Variants in CCDC150 observed in about 807,000 individuals in gnomAD.
CCDC150 encodes the protein coiled-coil domain containing 150, also known as coiled-coil domain-containing protein 150.
In CCDC150, 151 loss-of-function variants were observed where a neutral mutation model predicts 156.5. The observed-to-expected ratio is 0.97, with a 90% CI of 0.85 to 1.10. CCDC150 has a LOEUF of 1.10. Among genes scored for constraint, CCDC150 ranks in the 50% least tolerant of loss-of-function variants. The probability of loss-of-function intolerance (pLI) is 0.00; values close to 1 mark genes in which losing one functional copy is unlikely to be tolerated. For missense variants in CCDC150, 1,312 were observed against 1,268.1 expected (o/e 1.03, Z -0.53); for synonymous variants, 452 against 429.4 (o/e 1.05, Z -0.65).
At chr2:196,718,460 A>T (rs1697670894) in intron 17 of CCDC150, 43 bp from the exon 18 acceptor site, 1 of 1,481,084 alleles carries the variant, frequency 6.8e-7, no homozygotes, top group South Asian at 1.3e-5. Flanking sequence ...TATTCTAATC[A>T]CTGATTTGTA....
chr2:196,639,938 G>A (rs1692112013), intron 1 of CCDC150, among the ~76,000 whole-genome samples, 160 bp downstream of exon 1: 1 of 152,332 alleles, frequency 6.6e-6, no homozygotes, highest in Non-Finnish European at 1.5e-5. Flanking sequence ...GCGCTTTGGC[G>A]TTGGCTGCCG....
At position 196,657,148 on chromosome 2, in the gene CCDC150, A is replaced by G; in HGVS notation, c.576+12A>G. The G allele has an allele frequency of 6.2e-7, 1 of 1,613,050 alleles. No individual in the cohort carries two copies. Among genetic ancestry groups the G allele is most frequent in the African/African-American group, 1.3e-5 (1 of 75,032 alleles). On this transcript the variant is annotated intron_variant, in intron 4 of 27. Coordinates refer to ENST00000389175, the MANE Select transcript of CCDC150 (RefSeq NM_001080539.2). ...CCTCGCAGACAAAGGTTTGAGTCTA[A>G]GAGTTCTGAAGTATAAACACACTGT...
At chr2:196,678,747 A>G (rs543096845) in intron 13 of CCDC150, among the ~76,000 whole-genome samples, 1 of 152,078 alleles carries the variant, frequency 6.6e-6, no homozygotes, top group African/African-American at 2.4e-5. Context: ...TACTAAAAAT[A>G]CAAAAAAAAT....
Position 196,721,361 on chromosome 2 carries a change from T to TATATATATATATATACACACATATATAC in CCDC150, c.2260-153_2260-152insATATATACACACATATATACATATATAT, listed in dbSNP as rs146765179. On this transcript the variant is annotated intron_variant, in intron 20 of 27. Transcript: ENST00000389175. ...ATTCATATATGTGTGTGCATATATA[T>TATATATATATATATACACACATATATAC]ATATATATTTTCCAGGCAGCTGGAA... Among the ~76,000 whole-genome samples, 2 of 49,814 alleles carry TATATATATATATATACACACATATATAC rather than the reference T, an allele frequency of 4.0e-5. 1 individual carries two copies. Among genetic ancestry groups the TATATATATATATATACACACATATATAC allele is most frequent in the Non-Finnish European group, 9.4e-5 (2 of 21,180 alleles). The allele number at this position is 49,814 out of a possible 152,430, so 32.7% of individuals were successfully genotyped here.
In CCDC150 at chr2:196,703,049, C is replaced by G. The variant is rs538553712; in HGVS notation, c.1695+1869C>G. On this transcript the variant is annotated intron_variant, in intron 15 of 27. Coordinates refer to ENST00000389175, the MANE Select transcript of CCDC150 (RefSeq NM_001080539.2). ...TTCATGAGAGCAGATCCCTCATTAC[C>G]CAAATACCTCTTAAAGGTCCCACTA... is the stretch of plus-strand genomic sequence containing the variant. 4.6e-5 allele frequency among the ~76,000 whole-genome samples: 7 copies of G among 152,274 alleles called. No homozygotes were observed. In the South Asian group the frequency reaches 1.5e-3, roughly 32 times the overall value.
intron 17 of CCDC150, chr2:196,713,113 G>A (rs549357856): frequency 2.3e-5 from 12 of 513,516 alleles, no homozygotes; most frequent in Non-Finnish European, 3.6e-5. Context: ...AGGTCACAGA[G>A]TTGTTAAAGG....
chr2:196,674,655 C>G (rs986619063), intron 10 of CCDC150, among the ~76,000 whole-genome samples: 1 of 26,046 alleles, frequency 3.8e-5, no homozygotes. Flanking sequence ...CCTCAAACAC[C>G]TTGCCGATTT....
At chr2:196,732,226 CTCA>C (rs1408067512) in intron 27 of CCDC150, 74 bp downstream of exon 27, 2 of 1,500,486 alleles carry the variant, frequency 1.3e-6, no homozygotes, top group African/African-American at 1.4e-5. Context: ...CCGAAGTTCT[CTCA>C]TCATCTCGAT....
Position 196,672,370 on chromosome 2 carries a change from A to G in CCDC150, c.962A>G (p.Glu321Gly). 6.5e-7 allele frequency: 1 copy of G among 1,542,466 alleles called. No homozygotes were observed. The highest frequency in any genetic ancestry group is 8.7e-7 in the Non-Finnish European group (1 of 1,147,058). Residue 321 changes from glutamate (E) to glycine (G), a missense_variant, in exon 9 of 28, where the codon GAA (glutamate) becomes GGA (glycine). Transcript: ENST00000389175. ...AACCTGCAGATATCTTTCAACAAGG[A>G]ACATGAAGAAAATGCATATTTGAGG... The part of the protein sequence containing the change: ...NKNLQISFNK[E>G]HEENAYLRSE...
At chr2:196,676,764 T>C in intron 12 of CCDC150, 33 bp downstream of exon 12, 3 of 1,540,558 alleles carry the variant, frequency 1.9e-6, no homozygotes, top group Non-Finnish European at 2.7e-6. Context: ...TATCTTCTCA[T>C]TGTGGTGTGA....
chr2:196,645,217 C>T lies in CCDC150; in HGVS notation c.13-1124C>T, dbSNP rs543960556. On this transcript the variant is annotated intron_variant, in intron 1 of 27. Transcript: ENST00000389175. ...TTTCAGGATGAAGAAACATCCTCAG[C>T]GGGTATAGCAAGCTCAGCCCCACCA... Among the ~76,000 whole-genome samples, 171 of 152,282 alleles carry T rather than the reference C, an allele frequency of 1.1e-3. 1 individual carries two copies. Among genetic ancestry groups the T allele is most frequent in the Non-Finnish European group, 1.8e-3 (124 of 68,026 alleles).
rs996275592 is a variant in CCDC150, at chr2:196,731,946, T to C, written c.3070-87T>C. The C allele has an allele frequency of 7.5e-6, 10 of 1,340,738 alleles. No homozygotes were observed. The African/African-American group carries it at 1.0e-4, about 14-fold the overall frequency. 83.1% of individuals were successfully genotyped at this position (1,340,738 alleles called of 1,614,324 possible). ...CAGTCAGAATTTGGGTCTTTTAATTTCTAAGTAAAAAATCTCTGCAACTAA... is the reference window on the plus strand; with the variant it reads ...CAGTCAGAATTTGGGTCTTTTAATTCCTAAGTAAAAAATCTCTGCAACTAA... On this transcript the variant is annotated intron_variant, in intron 26 of 27. Transcript: ENST00000389175.
At chr2:196,695,266 T>TA in intron 14 of CCDC150, 107 bp downstream of exon 14, 1 of 569,030 alleles carries the variant, frequency 1.8e-6, no homozygotes, top group Non-Finnish European at 3.1e-6. Flanking sequence ...TCATAATTAT[T>TA]AAAAATCTAA....
intron 7 of CCDC150, chr2:196,667,822 C>G (rs1693937722): frequency 6.6e-6 from 1 of 152,170 alleles, no homozygotes; most frequent in Admixed American, 6.5e-5. Flanking sequence ...AAAGTATTCC[C>G]TTTTCTTATA....
chr2:196,677,309 AAG>A lies in CCDC150; in HGVS notation c.1459_1460del (p.Glu487AsnfsTer14). On this transcript the variant is annotated frameshift_variant, in exon 13 of 28. Transcript: ENST00000389175. LOFTEE classifies it high-confidence loss of function. ...CTTGGGCAGGTTAATAAAACAGAAA[AAG>A]AAATAGTGCAAGAAAGATGCAATTT... 1 of 1,570,588 alleles carries A rather than the reference AAG, an allele frequency of 6.4e-7. No homozygotes were observed.
intron 2 of CCDC150, among the ~76,000 whole-genome samples, chr2:196,647,429 T>G (rs1692612571): frequency 6.6e-6 from 1 of 152,098 alleles, no homozygotes; most frequent in African/African-American, 2.4e-5. Context: ...TAACATATTT[T>G]ATCACTTGTT....
Position 196,650,098 on chromosome 2 carries a change from C to T in CCDC150, c.176+3594C>T, listed in dbSNP as rs955113903. On this transcript the variant is annotated intron_variant, in intron 2 of 27. Transcript: ENST00000389175. ...TCCTGATCAGAAGCTTTCAGCTTCT[C>T]ACCGTTGAGCATGATGTTAGCTGTA... 2.0e-5 allele frequency among the ~76,000 whole-genome samples: 3 copies of T among 152,330 alleles called. No individual in the cohort carries two copies. The East Asian group carries it at 5.8e-4, about 29-fold the overall frequency.
intron 13 of CCDC150, among the ~76,000 whole-genome samples, chr2:196,686,591 TAG>T (rs1209315905): frequency 1.3e-5 from 2 of 152,060 alleles, no homozygotes; most frequent in Non-Finnish European, 1.5e-5. Flanking sequence ...TGTCGTGCAA[TAG>T]AGAGTACTTA....
intron 17 of CCDC150, chr2:196,713,566 A>G (rs1697286953): frequency 6.5e-7 from 1 of 1,549,374 alleles, no homozygotes; most frequent in African/African-American, 1.4e-5. Flanking sequence ...GGATCTCTCT[A>G]AAGACTCTTT....
Sources: gnomAD v4.1 joint callset for allele counts (sites outside exome capture counted in the v4.1 genomes callset) on GRCh38, gnomAD v4.1.1 for gene constraint, MANE v1.5 for transcripts, NCBI Gene and HGNC (gene_info 2026-07-23, HGNC 2026-07-21) for gene names.